Variants in PTPRD observed in about 807,000 individuals in gnomAD.
PTPRD encodes the protein protein tyrosine phosphatase receptor type D.
PTPRD carries 34 observed loss-of-function variants against 214.5 expected under a neutral mutation model. The ratio of observed to expected loss-of-function variants is 0.16; its 90% CI spans 0.12 to 0.21. The LOEUF (loss-of-function observed/expected upper bound fraction) is 0.21, where lower values mean the gene tolerates loss of function less well. Ranked by LOEUF, PTPRD falls within the 10% of genes least tolerant of loss-of-function variation. PTPRD has a pLI of 1.00. For synonymous variants in PTPRD, 1,128 were observed against 845.7 expected (o/e 1.33, Z -5.79); for missense variants, 2,545 against 2,398.7 (o/e 1.06, Z -1.27).
Position 9,887,436 on chromosome 9 carries a change from G to T in PTPRD, c.-368+51071C>A, listed in dbSNP as rs1002781092. 2.6e-5 allele frequency among the ~76,000 whole-genome samples: 4 copies of T among 152,104 alleles called. No individual in the cohort carries two copies. The East Asian group carries it at 7.7e-4, about 29-fold the overall frequency. On this transcript the variant is annotated intron_variant, in intron 5 of 45. Transcript: ENST00000381196. ...ATAGTCATGTGTGGCTTAAGAGGCT[G>T]CAATACATATAAAAAAACATGATGC... is the stretch of plus-strand genomic sequence containing the variant.
rs762214120 is a variant in PTPRD, at chr9:10,460,722, C to G, written c.-599-119705G>C. Reference sequence around the variant, plus strand: ...ATGAAATGGAATCCTTCTCTTACACCATACACAAAAATCAACTCAAAATGG... The same window carrying G: ...ATGAAATGGAATCCTTCTCTTACACGATACACAAAAATCAACTCAAAATGG... On this transcript the variant is annotated intron_variant, in intron 2 of 45. Coordinates refer to ENST00000381196, the MANE Select transcript of PTPRD (RefSeq NM_002839.4). Among the ~76,000 whole-genome samples the G allele has an allele frequency of 2.6e-5, 4 of 151,968 alleles. 1 individual carries two copies. Among genetic ancestry groups the G allele is most frequent in the Non-Finnish European group, 4.4e-5 (3 of 67,964 alleles).
intron 8 of PTPRD, among the ~76,000 whole-genome samples, chr9:9,430,924 A>T (rs112479824): frequency 0.062 from 9,415 of 152,310 alleles, 325 homozygotes; most frequent in Middle Eastern, 0.17. Context: ...AAAGACTTAA[A>T]TTTCAGACCT....
chr9:8,919,454 A>AT (rs1191835513), intron 11 of PTPRD, among the ~76,000 whole-genome samples: 7 of 151,390 alleles, frequency 4.6e-5, no homozygotes, highest in Middle Eastern at 3.2e-3. Flanking sequence ...TCCATGCAAT[A>AT]TTTTTTTCTC....
intron 2 of PTPRD, among the ~76,000 whole-genome samples, chr9:10,608,045 C>T (rs1289041290): frequency 6.6e-6 from 1 of 151,920 alleles, no homozygotes; most frequent in Non-Finnish European, 1.5e-5. Flanking sequence ...TTGAAGTTCT[C>T]AATTTCCTCT....
chr9:10,486,096 G>T (rs999093556), intron 2 of PTPRD, among the ~76,000 whole-genome samples: 40 of 151,796 alleles, frequency 2.6e-4, no homozygotes, highest in African/African-American at 9.4e-4. Context: ...TTTATCAGGT[G>T]GGTGGATTGC....
chr9:8,636,522 C>T (rs755296643), intron 13 of PTPRD, among the ~76,000 whole-genome samples, 177 bp downstream of exon 13: 4 of 152,098 alleles, frequency 2.6e-5, no homozygotes, highest in Non-Finnish European at 4.4e-5. Context: ...GCCCTTGAAC[C>T]CCCAAATTTC....
intron 2 of PTPRD, among the ~76,000 whole-genome samples, chr9:10,528,561 A>T (rs771648752): frequency 5.9e-5 from 9 of 152,178 alleles, no homozygotes; most frequent in Non-Finnish European, 1.2e-4. Context: ...CATTTGTATC[A>T]TATGTATACT....
At chr9:10,289,058 T>C (rs550864843) in intron 3 of PTPRD, among the ~76,000 whole-genome samples, 19 of 152,060 alleles carry the variant, frequency 1.2e-4, no homozygotes, top group Admixed American at 1.1e-3. Flanking sequence ...GTTTCTCTTT[T>C]ATATTCTCTG....
rs575154579 is a variant in PTPRD, at chr9:9,056,743, G to A, written c.-142-38008C>T. ...TACCACCAAGTCTTCCATGTTTGGC[G>A]TAGGCCTGTACACTTTGCTGCATTT... is the stretch of plus-strand genomic sequence containing the variant. On this transcript the variant is annotated intron_variant, in intron 10 of 45. Coordinates refer to ENST00000381196, the MANE Select transcript of PTPRD (RefSeq NM_002839.4). Among the ~76,000 whole-genome samples the A allele has an allele frequency of 6.6e-5, 10 of 152,312 alleles. No individual in the cohort carries two copies. In the South Asian group the frequency reaches 1.4e-3, roughly 22 times the overall value.
At chr9:9,073,196 G>A (rs1401574151) in intron 10 of PTPRD, among the ~76,000 whole-genome samples, 3 of 152,112 alleles carry the variant, frequency 2.0e-5, no homozygotes, top group Non-Finnish European at 2.9e-5. Flanking sequence ...CAGATTCAAC[G>A]AAGATTTATT....
intron 8 of PTPRD, among the ~76,000 whole-genome samples, chr9:9,520,262 A>C (rs183063831): frequency 1.4e-5 from 2 of 146,814 alleles, no homozygotes; most frequent in African/African-American, 5.0e-5. Context: ...AGACTCCTAA[A>C]AGTTATATAT....
Position 9,258,336 on chromosome 9 carries a change from C to A in PTPRD, c.-202-74973G>T, listed in dbSNP as rs1462748130. Reference sequence around the variant, plus strand: ...GTAGATTATGACATCATCTGAAACCCCAGGATACACATTTAGAGCTGGCTA... The same window carrying A: ...GTAGATTATGACATCATCTGAAACCACAGGATACACATTTAGAGCTGGCTA... On this transcript the variant is annotated intron_variant, in intron 9 of 45. Coordinates refer to ENST00000381196, the MANE Select transcript of PTPRD (RefSeq NM_002839.4). Among the ~76,000 whole-genome samples the A allele has an allele frequency of 4.6e-5, 7 of 151,950 alleles. No homozygotes were observed. In the East Asian group the frequency reaches 1.2e-3, roughly 26 times the overall value.
chr9:10,089,044 A>G (rs2098396769), intron 3 of PTPRD, among the ~76,000 whole-genome samples: 1 of 151,468 alleles, frequency 6.6e-6, no homozygotes, highest in African/African-American at 2.4e-5. Flanking sequence ...CCCCATCTCT[A>G]TAAAGATTTA....
intron 12 of PTPRD, among the ~76,000 whole-genome samples, chr9:8,715,557 G>C (rs952857867): frequency 2.0e-5 from 3 of 152,128 alleles, no homozygotes; most frequent in African/African-American, 7.2e-5. Context: ...TTTGAACTCA[G>C]ATCATTTTAT....
chr9:9,264,107 A>G (rs1937765067), intron 9 of PTPRD, among the ~76,000 whole-genome samples: 1 of 151,662 alleles, frequency 6.6e-6, no homozygotes, highest in Admixed American at 6.6e-5. Context: ...CCACAATGGA[A>G]GACTTCAAGG....
At chr9:10,431,669 A>C (rs2154520759) in intron 2 of PTPRD, among the ~76,000 whole-genome samples, 1 of 152,296 alleles carries the variant, frequency 6.6e-6, no homozygotes, top group African/African-American at 2.4e-5. Context: ...TATGCAGCCA[A>C]AAAGCACATG....
At chr9:9,959,878 C>T (rs918093210) in intron 4 of PTPRD, among the ~76,000 whole-genome samples, 3 of 152,076 alleles carry the variant, frequency 2.0e-5, no homozygotes, top group African/African-American at 7.2e-5. Flanking sequence ...GGTATGAACT[C>T]ATATTTAGCA....
intron 5 of PTPRD, among the ~76,000 whole-genome samples, chr9:9,816,408 C>T (rs947808973): frequency 6.6e-6 from 1 of 151,980 alleles, no homozygotes; most frequent in Non-Finnish European, 1.5e-5. Context: ...TTATGTTCCA[C>T]ACAAATAAGC....
At chr9:9,508,777 C>A (rs2096630051) in intron 8 of PTPRD, among the ~76,000 whole-genome samples, 1 of 151,586 alleles carries the variant, frequency 6.6e-6, no homozygotes, top group Non-Finnish European at 1.5e-5. Flanking sequence ...TATCTCCTTC[C>A]TTTTCCCTGG....
Sources: allele counts gnomAD v4.1 joint callset (sites outside exome capture counted in the v4.1 genomes callset), GRCh38; gene constraint gnomAD v4.1.1; transcripts MANE v1.5; gene names NCBI Gene and HGNC (gene_info 2026-07-23, HGNC 2026-07-21).